Variants in NCKAP1 observed in about 807,000 individuals in gnomAD.
The protein encoded by NCKAP1 is nck-associated protein 1.
In NCKAP1, 21 loss-of-function variants were observed where a neutral mutation model predicts 151.2. The observed-to-expected ratio is 0.14, with a 90% CI of 0.10 to 0.20. The LOEUF (loss-of-function observed/expected upper bound fraction) is 0.20, where lower values mean the gene tolerates loss of function less well. Among genes scored for constraint, NCKAP1 ranks in the 10% least tolerant of loss-of-function variants. The probability of loss-of-function intolerance (pLI) is 1.00; values close to 1 mark genes in which losing one functional copy is unlikely to be tolerated. For missense variants in NCKAP1, 933 were observed against 1,352.1 expected, an observed-to-expected ratio of 0.69 and a Z score of 4.86; for synonymous variants, 484 against 451.8, an observed-to-expected ratio of 1.07 and a Z score of -0.90.
Position 182,942,061 on chromosome 2 carries a change from G to A in NCKAP1, c.2695+9C>T, listed in dbSNP as rs144538456. On this transcript the variant is annotated intron_variant, in intron 24 of 30. Transcript: ENST00000361354. ...CTTATGTTTATAAAAAGTATCATGA[G>A]TTACCCACATGATAATCTTTTAAAC... The A allele has an allele frequency of 1.1e-3, 1,816 of 1,597,836 alleles. 11 individuals are homozygous for A. The African/African-American group carries it at 0.018, about 16-fold the overall frequency.
At chr2:183,032,084 G>T (rs1274955451) in intron 1 of NCKAP1, among the ~76,000 whole-genome samples, 1 of 152,138 alleles carries the variant, frequency 6.6e-6, no homozygotes, top group Non-Finnish European at 1.5e-5. Flanking sequence ...TTAAGTTTGG[G>T]TCAGGATCCA....
At chr2:183,014,385 T>C (rs1451091375) in intron 2 of NCKAP1, among the ~76,000 whole-genome samples, 3 of 151,880 alleles carry the variant, frequency 2.0e-5, no homozygotes, top group African/African-American at 2.4e-5. Flanking sequence ...CTATTCCAGA[T>C]AGTAAAAAAA....
intron 2 of NCKAP1, among the ~76,000 whole-genome samples, chr2:183,008,889 T>A (rs547327189): frequency 2.0e-4 from 31 of 152,244 alleles, no homozygotes; most frequent in Non-Finnish European, 2.8e-4. Flanking sequence ...ATATCAAATA[T>A]AAGCAAATCT....
At position 182,962,269 on chromosome 2, in the gene NCKAP1, T is replaced by C; in HGVS notation, c.1771A>G (p.Ile591Val). 6.2e-7 allele frequency: 1 copy of C among 1,606,146 alleles called. No individual in the cohort carries two copies. Among genetic ancestry groups the C allele is most frequent in the Non-Finnish European group, 8.5e-7 (1 of 1,174,894 alleles). Reference sequence around the variant, plus strand: ...CATAAGGAAAGACTGCGATCTCCAATATGATGTCGCTGTGAAGGCAGAATA... The same window carrying C: ...CATAAGGAAAGACTGCGATCTCCAACATGATGTCGCTGTGAAGGCAGAATA... ...HELCPEERHHIGDRSLSLCNM... is the reference protein window; with the variant it reads ...HELCPEERHHVGDRSLSLCNM... Residue 591 changes from isoleucine to valine, a missense_variant, in exon 18 of 31, where the codon ATT becomes GTT. Physicochemically the swap from Ile to Val is conservative, Grantham distance 29. Around this residue, in one of 2 missense-constraint regions of NCKAP1, gnomAD observed 607 missense variants for 795.0 expected, o/e 0.76. Transcript: ENST00000361354.
intron 6 of NCKAP1, among the ~76,000 whole-genome samples, chr2:182,999,033 G>A (rs1223198321): frequency 6.6e-6 from 1 of 152,026 alleles, no homozygotes; most frequent in South Asian, 2.1e-4. Context: ...AGCATTCTAC[G>A]CTCATGGGAT....
intron 8 of NCKAP1, among the ~76,000 whole-genome samples, chr2:182,990,845 G>A (rs1452013617): frequency 1.3e-5 from 2 of 152,124 alleles, no homozygotes; most frequent in African/African-American, 4.8e-5. Flanking sequence ...AACTCTCTAA[G>A]TAGGCATATT....
At chr2:182,957,426 G>A (rs1468505134) in intron 19 of NCKAP1, 31 bp downstream of exon 19, 2 of 1,584,408 alleles carry the variant, frequency 1.3e-6, no homozygotes, top group Non-Finnish European at 8.5e-7. Context: ...TTTACCTGGA[G>A]CAAAAAGGTA....
intron 6 of NCKAP1, among the ~76,000 whole-genome samples, chr2:183,000,520 G>C (rs567984592): frequency 1.3e-5 from 2 of 152,244 alleles, no homozygotes; most frequent in Non-Finnish European, 2.9e-5. Context: ...TCCGGGTGGG[G>C]AAAAACCACT....
At chr2:182,965,150 G>C (rs1229267445) in intron 16 of NCKAP1, among the ~76,000 whole-genome samples, 1 of 151,726 alleles carries the variant, frequency 6.6e-6, no homozygotes, top group Non-Finnish European at 1.5e-5. Flanking sequence ...CAGCACTTTG[G>C]GAGGCCAAGG....
intron 14 of NCKAP1, among the ~76,000 whole-genome samples, chr2:182,978,152 G>A (rs1221970256): frequency 6.6e-6 from 1 of 152,128 alleles, no homozygotes; most frequent in Non-Finnish European, 1.5e-5. Flanking sequence ...TCATTACTTA[G>A]ATGTGGTAGC....
intron 2 of NCKAP1, among the ~76,000 whole-genome samples, chr2:183,012,998 A>G (rs1013007401): frequency 2.6e-5 from 4 of 151,790 alleles, no homozygotes; most frequent in African/African-American, 9.7e-5. Context: ...TCCCTCTTTC[A>G]TAACTGTCTG....
intron 18 of NCKAP1, among the ~76,000 whole-genome samples, chr2:182,961,800 T>C (rs1223073698): frequency 6.6e-6 from 1 of 151,776 alleles, no homozygotes; most frequent in African/African-American, 2.4e-5. Flanking sequence ...CACTAGCCAA[T>C]GACGGGGCAA....
intron 26 of NCKAP1, among the ~76,000 whole-genome samples, chr2:182,933,717 AGT>A (rs1696813246): frequency 6.6e-6 from 1 of 151,962 alleles, no homozygotes; most frequent in East Asian, 1.9e-4. Context: ...GCCCAGCCTG[AGT>A]GGCACCAATT....
rs1186034486 is a variant in NCKAP1 at position 182,911,682 on chromosome 2, T to C, written c.*14020A>G. 1 of 152,122 alleles carries C rather than the reference T, an allele frequency of 6.6e-6. No homozygotes were observed. Among genetic ancestry groups the C allele is most frequent in the Non-Finnish European group, 1.5e-5 (1 of 68,008 alleles). The allele number at this position is 152,122 out of a possible 1,614,324, so 9.4% of individuals were successfully genotyped here. Reference sequence around the variant, plus strand: ...TTTTTTCTCCCAAGCTGTTTGAGCTTTTATGTTAACACCTATACTACTACA... The same window carrying C: ...TTTTTTCTCCCAAGCTGTTTGAGCTCTTATGTTAACACCTATACTACTACA... On this transcript the variant is annotated 3_prime_UTR_variant, in exon 31 of 31. Coordinates refer to ENST00000361354, the MANE Select transcript of NCKAP1 (RefSeq NM_013436.5).
At chr2:182,995,321 T>C (rs149019213) in intron 7 of NCKAP1, among the ~76,000 whole-genome samples, 139 of 152,298 alleles carry the variant, frequency 9.1e-4, no homozygotes, top group Middle Eastern at 6.8e-3. Context: ...CCTATGTTCA[T>C]AAATACAGAG....
chr2:183,001,335 T>A (rs6734848), intron 6 of NCKAP1, among the ~76,000 whole-genome samples: 13,738 of 152,244 alleles, frequency 0.09, 748 homozygotes, highest in Non-Finnish European at 0.12. Flanking sequence ...ATTCTGTGAA[T>A]CAGCCCTTCT....
intron 7 of NCKAP1, among the ~76,000 whole-genome samples, chr2:182,995,483 A>T (rs976658590): frequency 6.6e-6 from 1 of 152,222 alleles, no homozygotes; most frequent in Non-Finnish European, 1.5e-5. Context: ...TAAAGAAAAA[A>T]GTACTCATAC....
chr2:183,025,567 ATTTAGAAC>A (rs1050508549), intron 1 of NCKAP1, among the ~76,000 whole-genome samples: 7 of 152,156 alleles, frequency 4.6e-5, no homozygotes, highest in Non-Finnish European at 7.4e-5. Flanking sequence ...ATCTTAAGAA[ATTTAGAAC>A]TTCATAATCT....
intron 16 of NCKAP1, among the ~76,000 whole-genome samples, 172 bp downstream of exon 16, chr2:182,967,044 T>C (rs780301235): frequency 7.2e-5 from 11 of 152,226 alleles, no homozygotes; most frequent in Admixed American, 5.9e-4. Context: ...AAATCCCAAC[T>C]TGGTTAAACT....
Sources: gnomAD v4.1 joint callset for allele counts (sites outside exome capture counted in the v4.1 genomes callset) on GRCh38, gnomAD v4.1.1 for gene constraint, gnomAD v4.1.1 regional missense constraint, MANE v1.5 for transcripts, NCBI Gene and HGNC (gene_info 2026-07-23, HGNC 2026-07-21) for gene names.